The following CADM2 variants were observed in gnomAD, a reference collection of about 807,000 sequenced individuals.
The protein encoded by CADM2 is immunoglobulin superfamily member 4D.
Under a neutral mutation model 49.8 loss-of-function variants are expected in CADM2, and 12 were observed. The ratio of observed to expected loss-of-function variants is 0.24; its 90% CI spans 0.15 to 0.39. The LOEUF is 0.39. CADM2 is among the 10% of genes least tolerant of loss of function. The pLI is 1.00. For missense variants in CADM2, 378 were observed against 492.3 expected, an observed-to-expected ratio of 0.77 and a Z score of 2.20; for synonymous variants, 214 against 175.4, an observed-to-expected ratio of 1.22 and a Z score of -1.74.
In CADM2 at chr3:85,084,330, TG is replaced by T. The variant is rs1391386667; in HGVS notation, c.61+124663del. ...CTTTAGCAAAAAGAAATATTCATTTTGTTTTTTAGAATAGTAAACTGCCTTC... is the reference window on the plus strand; with the variant it reads ...CTTTAGCAAAAAGAAATATTCATTTTTTTTTTAGAATAGTAAACTGCCTTC... On this transcript the variant is annotated intron_variant, in intron 1 of 9. Transcript: ENST00000383699. 2.0e-5 allele frequency among the ~76,000 whole-genome samples: 3 copies of T among 152,346 alleles called. No homozygotes were observed. In the East Asian group the frequency reaches 5.8e-4, roughly 29 times the overall value.
chr3:85,186,347 G>A (rs2041062610), intron 1 of CADM2, among the ~76,000 whole-genome samples: 1 of 152,022 alleles, frequency 6.6e-6, no homozygotes, highest in Non-Finnish European at 1.5e-5. Context: ...AAACCTAAAT[G>A]CCACATAATC....
intron 1 of CADM2, among the ~76,000 whole-genome samples, chr3:85,343,417 C>T (rs2030163350): frequency 6.6e-6 from 1 of 152,138 alleles, no homozygotes; most frequent in African/African-American, 2.4e-5. Flanking sequence ...TCTAGAGTCT[C>T]TTTGTACTTT....
intron 1 of CADM2, among the ~76,000 whole-genome samples, chr3:84,975,033 A>C (rs1454469028): frequency 2.0e-5 from 3 of 151,856 alleles, no homozygotes; most frequent in Non-Finnish European, 4.4e-5. Context: ...TTAAGTTTTT[A>C]AACAAAAGAA....
chr3:85,483,912 G>T (rs2039314483), intron 1 of CADM2, among the ~76,000 whole-genome samples: 1 of 151,722 alleles, frequency 6.6e-6, no homozygotes, highest in South Asian at 2.1e-4. Flanking sequence ...TCGAAGGCCT[G>T]TAATTTTCTA....
At chr3:85,111,343 C>A (rs555227348) in intron 1 of CADM2, among the ~76,000 whole-genome samples, 9 of 151,608 alleles carry the variant, frequency 5.9e-5, no homozygotes, top group Non-Finnish European at 1.3e-4. Context: ...TTTACTTTGT[C>A]AAGAGGTTAT....
At chr3:85,601,130 G>GTGTGTATATATA (rs1328015269) in intron 1 of CADM2, among the ~76,000 whole-genome samples, 4 of 109,648 alleles carry the variant, frequency 3.6e-5, no homozygotes, top group African/African-American at 1.6e-4. Context: ...ATATATGTGT[G>GTGTGTATATATA]TATATATATA....
chr3:85,746,563 A>G (rs1040481819), intron 2 of CADM2, among the ~76,000 whole-genome samples: 1 of 151,628 alleles, frequency 6.6e-6, no homozygotes, highest in South Asian at 2.1e-4. Context: ...TTTCTCTTTC[A>G]TTGTCAGTAT....
intron 7 of CADM2, among the ~76,000 whole-genome samples, chr3:85,936,399 A>G (rs2046423537): frequency 6.6e-6 from 1 of 151,784 alleles, no homozygotes; most frequent in African/African-American, 2.4e-5. Flanking sequence ...TGTCACTTCA[A>G]CTCTAAAACT....
At chr3:85,650,582 A>C (rs921379247) in intron 1 of CADM2, among the ~76,000 whole-genome samples, 1 of 151,822 alleles carries the variant, frequency 6.6e-6, no homozygotes, top group African/African-American at 2.4e-5. Flanking sequence ...TTCTCAAAGT[A>C]TAAATGTGCA....
chr3:85,876,514 G>T (rs1559715963), intron 3 of CADM2, among the ~76,000 whole-genome samples: 1 of 151,998 alleles, frequency 6.6e-6, no homozygotes, highest in Admixed American at 6.6e-5. Context: ...TGTCCAATGG[G>T]TGAACTAGAA....
intron 2 of CADM2, among the ~76,000 whole-genome samples, chr3:85,767,444 C>G (rs1263869427): frequency 6.6e-6 from 1 of 152,068 alleles, no homozygotes; most frequent in African/African-American, 2.4e-5. Context: ...TATATGCAAC[C>G]TTGGCTATTT....
chr3:85,081,339 T>C (rs967440635), intron 1 of CADM2, among the ~76,000 whole-genome samples: 2 of 152,092 alleles, frequency 1.3e-5, no homozygotes, highest in African/African-American at 4.8e-5. Flanking sequence ...CTAAAATGAG[T>C]TACCTCATGT....
At chr3:85,710,905 T>C (rs1319714552) in intron 1 of CADM2, among the ~76,000 whole-genome samples, 12 of 152,160 alleles carry the variant, frequency 7.9e-5, no homozygotes, top group Admixed American at 7.9e-4. Context: ...TGGTACCTTC[T>C]AACTCTGAGA....
At chr3:85,367,833 A>ATGTGTG (rs10547677) in intron 1 of CADM2, among the ~76,000 whole-genome samples, 2 of 148,010 alleles carry the variant, frequency 1.4e-5, no homozygotes, top group African/African-American at 5.0e-5. Context: ...ATACATATAT[A>ATGTGTG]TGTGTGTGTG....
chr3:85,373,539 A>G (rs1469646312), intron 1 of CADM2, among the ~76,000 whole-genome samples: 2 of 152,110 alleles, frequency 1.3e-5, no homozygotes, highest in Non-Finnish European at 2.9e-5. Context: ...CTCTTCTCAC[A>G]GCTCCACTAG....
chr3:85,589,115 G>A (rs1220630308), intron 1 of CADM2, among the ~76,000 whole-genome samples: 1 of 151,952 alleles, frequency 6.6e-6, no homozygotes, highest in Non-Finnish European at 1.5e-5. Context: ...GGAGTGGTGA[G>A]GGAATACTCT....
chr3:85,387,810 C>A (rs2034314619), intron 1 of CADM2, among the ~76,000 whole-genome samples: 1 of 152,030 alleles, frequency 6.6e-6, no homozygotes, highest in Admixed American at 6.5e-5. Context: ...TTTATGGACA[C>A]AGAAATTTAA....
chr3:85,580,070 G>A (rs2062751228), intron 1 of CADM2, among the ~76,000 whole-genome samples: 1 of 152,026 alleles, frequency 6.6e-6, no homozygotes, highest in Non-Finnish European at 1.5e-5. Context: ...TTTGAGGATG[G>A]CAAGAAATCA....
At chr3:85,621,586 C>T (rs2063979577) in intron 1 of CADM2, among the ~76,000 whole-genome samples, 1 of 152,112 alleles carries the variant, frequency 6.6e-6, no homozygotes, top group Admixed American at 6.6e-5. Context: ...TTACTCTGCT[C>T]TGTTTTTTAA....
Sources: gnomAD v4.1 joint callset for allele counts (sites outside exome capture counted in the v4.1 genomes callset) on GRCh38, gnomAD v4.1.1 for gene constraint, MANE v1.5 for transcripts, NCBI Gene and HGNC (gene_info 2026-07-23, HGNC 2026-07-21) for gene names.